Variants in PODXL2 observed in about 807,000 individuals in gnomAD.
The protein encoded by PODXL2 is podocalyxin-like protein 2.
PODXL2 carries 17 observed loss-of-function variants against 53.4 expected under a neutral mutation model. That is an observed-to-expected ratio of 0.32 (90% confidence interval 0.22 to 0.48). The LOEUF (loss-of-function observed/expected upper bound fraction) is 0.48. Ranked by LOEUF, PODXL2 falls within the 20% of genes least tolerant of loss-of-function variation. PODXL2 has a pLI of 0.99. For missense variants in PODXL2, 673 were observed against 760.0 expected, an observed-to-expected ratio of 0.89 and a Z score of 1.35; for synonymous variants, 311 against 306.7, an observed-to-expected ratio of 1.01 and a Z score of -0.15.
intron 4 of PODXL2, among the ~76,000 whole-genome samples, chr3:127,664,616 G>A (rs187645947): frequency 1.3e-5 from 2 of 151,926 alleles, no homozygotes; most frequent in Admixed American, 6.6e-5. Flanking sequence ...TTACATTTTC[G>A]CCAGCACTAG....
intron 1 of PODXL2, among the ~76,000 whole-genome samples, chr3:127,636,928 A>G (rs892151168): frequency 6.6e-6 from 1 of 152,112 alleles, no homozygotes; most frequent in African/African-American, 2.4e-5. Flanking sequence ...GGTTCAAGCA[A>G]TTCTCCTGCC....
chr3:127,639,766 A>G (rs1237051872), intron 2 of PODXL2, among the ~76,000 whole-genome samples: 15 of 152,200 alleles, frequency 9.9e-5, no homozygotes, highest in Non-Finnish European at 4.4e-5. Context: ...TGCTCATTTA[A>G]TTCAATCTGA....
chr3:127,649,766 G>A (rs1255709882), intron 2 of PODXL2, among the ~76,000 whole-genome samples: 1 of 152,082 alleles, frequency 6.6e-6, no homozygotes, highest in Non-Finnish European at 1.5e-5. Flanking sequence ...GTGAAACCCC[G>A]TCTCTACTAA....
At chr3:127,669,450 G>T (rs985305846) in intron 6 of PODXL2, among the ~76,000 whole-genome samples, 8 of 128,872 alleles carry the variant, frequency 6.2e-5, no homozygotes, top group Admixed American at 4.2e-4. Flanking sequence ...CCATGGGGGT[G>T]TGGGGGCTGT....
At chr3:127,634,729 A>AATCCC (rs2074566988) in intron 1 of PODXL2, among the ~76,000 whole-genome samples, 1 of 152,182 alleles carries the variant, frequency 6.6e-6, no homozygotes. Flanking sequence ...TGTCTGAAAA[A>AATCCC]ATAAATAAAA....
rs1271870135 is a variant in PODXL2, at chr3:127,672,492, G to A, written c.*12G>A. ...ACACGCACCTGTGAGCGCAGCCGAG[G>A]CGCAGGCCGAGTGGGCCGCCAGGAC... is the stretch of plus-strand genomic sequence containing the variant. On this transcript the variant is annotated 3_prime_UTR_variant, in exon 8 of 8. Coordinates refer to ENST00000342480, the MANE Select transcript of PODXL2 (RefSeq NM_015720.4). The A allele has an allele frequency of 6.8e-7, 1 of 1,466,836 alleles. No homozygotes were observed. Among genetic ancestry groups the A allele is most frequent in the Non-Finnish European group, 9.0e-7 (1 of 1,107,724 alleles). 90.9% of individuals were successfully genotyped at this position (1,466,836 alleles called of 1,614,324 possible).
At chr3:127,668,681 C>T (rs1029401177) in intron 5 of PODXL2, 84 bp downstream of exon 5, 10 of 1,288,734 alleles carry the variant, frequency 7.8e-6, no homozygotes, top group African/African-American at 4.6e-5. Context: ...AAAGTGCACG[C>T]ATAAGGGCTT....
At chr3:127,666,359 CTTCT>C (rs1363871489) in intron 4 of PODXL2, among the ~76,000 whole-genome samples, 2 of 118,130 alleles carry the variant, frequency 1.7e-5, no homozygotes, top group East Asian at 2.8e-4. Context: ...CAGAGAGGTA[CTTCT>C]TTTTTTTTTT....
chr3:127,665,564 T>C (rs1447845397), intron 4 of PODXL2, among the ~76,000 whole-genome samples: 1 of 152,184 alleles, frequency 6.6e-6, no homozygotes, highest in Non-Finnish European at 1.5e-5. Flanking sequence ...GTGGTGTTTT[T>C]GAGTTCTAGA....
intron 2 of PODXL2, among the ~76,000 whole-genome samples, chr3:127,644,784 A>G (rs530566637): frequency 8.1e-4 from 124 of 152,302 alleles, no homozygotes; most frequent in Non-Finnish European, 1.4e-3. Flanking sequence ...GGAGATACCA[A>G]TCACCCTACC....
At chr3:127,631,259 G>A (rs899787416) in intron 1 of PODXL2, among the ~76,000 whole-genome samples, 1 of 152,190 alleles carries the variant, frequency 6.6e-6, no homozygotes, top group Non-Finnish European at 1.5e-5. Flanking sequence ...TGTCTGCCAA[G>A]AGCTTAGGGA....
At chr3:127,661,217 C>A in intron 3 of PODXL2, 58 bp downstream of exon 3, 2 of 1,356,652 alleles carry the variant, frequency 1.5e-6, no homozygotes. Context: ...GCCTGGCCAT[C>A]CCCAGGGCTA....
intron 2 of PODXL2, among the ~76,000 whole-genome samples, chr3:127,642,188 G>A (rs1032166466): frequency 6.6e-6 from 1 of 151,716 alleles, no homozygotes; most frequent in Non-Finnish European, 1.5e-5. Context: ...TACTCAGGAG[G>A]CTGAGGCAGG....
At chr3:127,648,835 C>G (rs2074672028) in intron 2 of PODXL2, among the ~76,000 whole-genome samples, 1 of 148,710 alleles carries the variant, frequency 6.7e-6, no homozygotes, top group Non-Finnish European at 1.5e-5. Context: ...CTCTGTCGAC[C>G]AGGCTGGAGT....
intron 2 of PODXL2, among the ~76,000 whole-genome samples, chr3:127,651,877 C>T (rs1325827121): frequency 6.6e-6 from 1 of 152,240 alleles, no homozygotes; most frequent in Non-Finnish European, 1.5e-5. Flanking sequence ...CACACAGAGG[C>T]AAGTGGCCAC....
At chr3:127,653,044 C>T (rs942399210) in intron 2 of PODXL2, among the ~76,000 whole-genome samples, 6 of 152,180 alleles carry the variant, frequency 3.9e-5, no homozygotes, top group Admixed American at 2.6e-4. Context: ...TCCTGCTCAG[C>T]TTCACTTCTT....
At chr3:127,643,588 T>C (rs1177057180) in intron 2 of PODXL2, among the ~76,000 whole-genome samples, 1 of 152,204 alleles carries the variant, frequency 6.6e-6, no homozygotes, top group Non-Finnish European at 1.5e-5. Context: ...TTGAGATACA[T>C]GCACCTTTCT....
Position 127,671,502 on chromosome 3 carries a change from C to T in PODXL2, c.1494C>T (p.Tyr498=), listed in dbSNP as rs867244055. Reference sequence around the variant, plus strand: ...GGGCCAGCCAGGTGCGCAGCGACTACGGCACGCTCTTCGTGGTGCTGGTGG... The same window carrying T: ...GGGCCAGCCAGGTGCGCAGCGACTATGGCACGCTCTTCGTGGTGCTGGTGG... ...QARASQVRSD[Y]GTLFVVLVVI... is the part of the protein sequence containing the mutation. The change falls in exon 7 of 8, where the codon TAC becomes TAT. Residue 498 remains tyrosine, a synonymous_variant. Coordinates refer to ENST00000342480, the MANE Select transcript of PODXL2 (RefSeq NM_015720.4). 2.7e-5 allele frequency: 43 copies of T among 1,614,064 alleles called. No individual in the cohort carries two copies. In the Middle Eastern group the frequency reaches 4.9e-4, roughly 19 times the overall value.
intron 1 of PODXL2, among the ~76,000 whole-genome samples, chr3:127,637,223 A>G (rs1369347904): frequency 6.6e-6 from 1 of 152,234 alleles, no homozygotes; most frequent in Non-Finnish European, 1.5e-5. Context: ...AGGTTGGCAC[A>G]GACGTTTACT....
Sources: gnomAD v4.1 joint callset for allele counts (sites outside exome capture counted in the v4.1 genomes callset) on GRCh38, gnomAD v4.1.1 for gene constraint, MANE v1.5 for transcripts, NCBI Gene and HGNC (gene_info 2026-07-23, HGNC 2026-07-21) for gene names.